The following WWOX variants were observed in gnomAD, a reference collection of about 807,000 sequenced individuals.
WWOX encodes the protein WW domain containing oxidoreductase.
A neutral mutation model predicts 46.2 loss-of-function variants in WWOX; 69 were observed. The ratio of observed to expected loss-of-function variants is 1.49; its 90% CI spans 1.23 to 1.82. WWOX has a LOEUF of 1.82. Ranked by LOEUF, WWOX falls within the 40% of genes most tolerant of loss-of-function variation. The pLI, the probability that WWOX is intolerant of heterozygous loss-of-function variation, is 0.00. For synonymous variants in WWOX, 359 were observed against 202.6 expected, an observed-to-expected ratio of 1.77 and a Z score of -6.56; for missense variants, 919 against 542.6, an observed-to-expected ratio of 1.69 and a Z score of -6.89.
At chr16:78,649,831 G>A (rs1419473536) in intron 8 of WWOX, among the ~76,000 whole-genome samples, 1 of 152,140 alleles carries the variant, frequency 6.6e-6, no homozygotes, top group Admixed American at 6.5e-5. Flanking sequence ...TCTGATTGAT[G>A]GGCATACAGA....
chr16:78,671,579 C>G (rs529556670), intron 8 of WWOX, among the ~76,000 whole-genome samples: 3 of 152,058 alleles, frequency 2.0e-5, no homozygotes, highest in African/African-American at 7.2e-5. Context: ...CATTAATTGC[C>G]GGTACTCTCA....
chr16:78,691,315 A>G (rs1567494097), intron 8 of WWOX: 5 of 700,252 alleles, frequency 7.1e-6, no homozygotes, highest in Non-Finnish European at 1.3e-5. Context: ...CTTGTAAAAG[A>G]TTTACAATTA....
intron 8 of WWOX, among the ~76,000 whole-genome samples, chr16:78,980,044 C>G (rs2046650349): frequency 6.6e-6 from 1 of 152,154 alleles, no homozygotes; most frequent in Non-Finnish European, 1.5e-5. Flanking sequence ...AGGAGAATCA[C>G]TTGAACTCAG....
chr16:78,211,224 G>T (rs1287048927), intron 5 of WWOX, among the ~76,000 whole-genome samples: 1 of 152,184 alleles, frequency 6.6e-6, no homozygotes, highest in East Asian at 1.9e-4. Flanking sequence ...TCTAGGGTGG[G>T]TGTTACTTCT....
chr16:78,832,670 G>A (rs978592902), intron 8 of WWOX, among the ~76,000 whole-genome samples: 2 of 152,106 alleles, frequency 1.3e-5, no homozygotes, highest in Non-Finnish European at 2.9e-5. Context: ...GTGAATCCAT[G>A]TCCTGTGGTG....
chr16:78,920,053 G>A (rs1034350677), intron 8 of WWOX, among the ~76,000 whole-genome samples: 1 of 152,094 alleles, frequency 6.6e-6, no homozygotes, highest in Non-Finnish European at 1.5e-5. Flanking sequence ...GTTTGCCGCA[G>A]TAACAAACGA....
chr16:78,784,357 A>G (rs1216365915), intron 8 of WWOX, among the ~76,000 whole-genome samples: 4 of 152,092 alleles, frequency 2.6e-5, no homozygotes. Flanking sequence ...CAGTCTCCTC[A>G]TTGTATCTGA....
intron 8 of WWOX, among the ~76,000 whole-genome samples, chr16:78,626,922 A>C (rs888800164): frequency 6.6e-5 from 10 of 152,198 alleles, no homozygotes; most frequent in African/African-American, 2.4e-4. Flanking sequence ...TGGTCTTCAA[A>C]AGTTGCTGCT....
At chr16:78,530,218 G>T (rs867045264) in intron 8 of WWOX, among the ~76,000 whole-genome samples, 10 of 152,196 alleles carry the variant, frequency 6.6e-5, no homozygotes, top group South Asian at 4.1e-4. Context: ...GTTACAGTCA[G>T]TGCTCTTTTA....
intron 8 of WWOX, chr16:78,495,777 G>C (rs144632819): frequency 1.3e-5 from 2 of 152,182 alleles, no homozygotes; most frequent in Non-Finnish European, 2.9e-5. Context: ...CAAAGTGCTG[G>C]GATTATAGGT....
At chr16:78,175,966 G>A (rs1442477491) in intron 5 of WWOX, among the ~76,000 whole-genome samples, 2 of 152,104 alleles carry the variant, frequency 1.3e-5, no homozygotes, top group African/African-American at 4.8e-5. Context: ...CATCTCCCAG[G>A]TCACCTTGTT....
At chr16:79,115,751 A>G (rs752509219) in intron 8 of WWOX, among the ~76,000 whole-genome samples, 1 of 152,110 alleles carries the variant, frequency 6.6e-6, no homozygotes, top group African/African-American at 2.4e-5. Context: ...TGCGTGTAGA[A>G]GTTTCAAGTT....
At chr16:79,086,951 G>A (rs1297426879) in intron 8 of WWOX, among the ~76,000 whole-genome samples, 2 of 152,214 alleles carry the variant, frequency 1.3e-5, no homozygotes, top group East Asian at 3.9e-4. Flanking sequence ...TACAGACTCT[G>A]CAGAGCACTA....
At chr16:78,409,367 C>T (rs1447101280) in intron 6 of WWOX, among the ~76,000 whole-genome samples, 3 of 152,138 alleles carry the variant, frequency 2.0e-5, no homozygotes, top group African/African-American at 7.2e-5. Context: ...TTACTGTAGT[C>T]ATACCTGCTC....
At chr16:78,185,725 G>A (rs1395900990) in intron 5 of WWOX, among the ~76,000 whole-genome samples, 1 of 152,066 alleles carries the variant, frequency 6.6e-6, no homozygotes, top group Non-Finnish European at 1.5e-5. Context: ...AGAGTACAGT[G>A]GCGTGATCTC....
At position 78,640,226 on chromosome 16, in the gene WWOX, G is replaced by GTTT. The variant is rs34129775; in HGVS notation, c.1056+207500_1056+207502dup. Among the ~76,000 whole-genome samples, 29 of 65,374 alleles carry GTTT rather than the reference G, an allele frequency of 4.4e-4. 2 individuals carry two copies. The highest frequency in any genetic ancestry group is 1.7e-3 in the East Asian group (3 of 1,748). The allele number at this position is 65,374 out of a possible 152,430, so 42.9% of individuals were successfully genotyped here. A position where few individuals can be genotyped will look rare whatever the true frequency, so the allele number is the denominator to read the frequency against. On this transcript the variant is annotated intron_variant, in intron 8 of 8. Transcript: ENST00000566780. The stretch of plus-strand genomic sequence containing the variant: ...GTGTGTGTTTTCTTCTTGTTGTTGG[G>GTTT]TTTTTTTTTTTTTTTTTTTTTTTTT...
chr16:78,690,179 C>T (rs936352807), intron 8 of WWOX, among the ~76,000 whole-genome samples: 19 of 152,008 alleles, frequency 1.2e-4, no homozygotes, highest in Admixed American at 1.0e-3. Context: ...TTTTTAACAA[C>T]CCCCCCTCCA....
At chr16:79,151,550 T>A (rs748916500) in intron 8 of WWOX, among the ~76,000 whole-genome samples, 1 of 152,196 alleles carries the variant, frequency 6.6e-6, no homozygotes, top group South Asian at 2.1e-4. Flanking sequence ...GCTCCAATTA[T>A]GTTGTGATTT....
chr16:78,983,253 C>A (rs1035735350), intron 8 of WWOX, among the ~76,000 whole-genome samples: 1 of 152,122 alleles, frequency 6.6e-6, no homozygotes, highest in Admixed American at 6.5e-5. Flanking sequence ...AATGGGAAAA[C>A]CTAAGCTGAA....
Sources: gnomAD v4.1 joint callset for allele counts (sites outside exome capture counted in the v4.1 genomes callset) on GRCh38, gnomAD v4.1.1 for gene constraint, MANE v1.5 for transcripts, NCBI Gene and HGNC (gene_info 2026-07-23, HGNC 2026-07-21) for gene names.